The following HYDIN variants were observed in gnomAD, a reference collection of about 807,000 sequenced individuals.
HYDIN encodes axonemal central pair apparatus protein HYDIN.
In HYDIN, 132 loss-of-function variants were observed where a neutral mutation model predicts 403.9. That is an observed-to-expected ratio of 0.33 (90% confidence interval 0.28 to 0.38). HYDIN has a LOEUF of 0.38. HYDIN is among the 10% of genes least tolerant of loss of function. HYDIN has a pLI of 1.00. For synonymous variants in HYDIN, 1,202 were observed against 1,891.7 expected (o/e 0.64, Z 9.46); for missense variants, 2,827 against 5,009.5 (o/e 0.56, Z 13.15).
intron 41 of HYDIN, among the ~76,000 whole-genome samples, chr16:70,947,719 GAATAA>G (rs2077920259): frequency 1.3e-5 from 2 of 151,816 alleles, no homozygotes; most frequent in Non-Finnish European, 2.9e-5. Flanking sequence ...GCTTCAAAGA[GAATAA>G]AATACCTAGG....
intron 12 of HYDIN, among the ~76,000 whole-genome samples, chr16:71,087,148 G>A (rs1404109043): frequency 1.3e-5 from 2 of 152,170 alleles, no homozygotes; most frequent in African/African-American, 2.4e-5. Context: ...TTTGTGACAG[G>A]CTGCTTTGGT....
intron 5 of HYDIN, among the ~76,000 whole-genome samples, chr16:71,163,752 C>T (rs1485145119): frequency 6.6e-6 from 1 of 152,224 alleles, no homozygotes; most frequent in Non-Finnish European, 1.5e-5. Flanking sequence ...GAGTTCCCTA[C>T]CTGATGAGAG....
chr16:71,219,503 A>T (rs2089080329), intron 1 of HYDIN, among the ~76,000 whole-genome samples: 1 of 152,188 alleles, frequency 6.6e-6, no homozygotes, highest in South Asian at 2.1e-4. Flanking sequence ...TCACCCCTTT[A>T]AGAATATAGG....
intron 59 of HYDIN, 71 bp from the exon 60 acceptor site, chr16:70,882,966 G>C: frequency 8.1e-7 from 1 of 1,231,748 alleles, no homozygotes; most frequent in Non-Finnish European, 1.2e-6. Flanking sequence ...TCCTAATTTG[G>C]AACTCTGGAT....
chr16:70,820,187 CTTTTT>C (rs57769826), intron 83 of HYDIN, among the ~76,000 whole-genome samples: 1 of 91,846 alleles, frequency 1.1e-5, no homozygotes, highest in South Asian at 3.8e-4. Flanking sequence ...TTTCTTTTTT[CTTTTT>C]TTTTTTTTTT....
intron 75 of HYDIN, among the ~76,000 whole-genome samples, chr16:70,842,091 T>C (rs2037867178): frequency 6.6e-6 from 1 of 150,884 alleles, no homozygotes; most frequent in Admixed American, 6.6e-5. Context: ...TATTGAGGTA[T>C]GTTTTATGGC....
At chr16:71,169,675 T>C (rs1471587101) in intron 5 of HYDIN, among the ~76,000 whole-genome samples, 2 of 152,028 alleles carry the variant, frequency 1.3e-5, no homozygotes, top group East Asian at 1.9e-4. Flanking sequence ...GGTTGGAGAA[T>C]TGGGGGATGC....
chr16:71,102,112 G>A (rs1372691101), intron 10 of HYDIN, among the ~76,000 whole-genome samples: 2 of 151,938 alleles, frequency 1.3e-5, no homozygotes, highest in Admixed American at 6.6e-5. Context: ...ATTGTTATGG[G>A]TTATACCCAC....
At chr16:70,967,826 T>C (rs2143970939) in intron 36 of HYDIN, among the ~76,000 whole-genome samples, 1 of 152,222 alleles carries the variant, frequency 6.6e-6, no homozygotes, top group South Asian at 2.1e-4. Context: ...CCTCAAGCAA[T>C]CCTCCTGCCT....
chr16:71,092,180 A>G (rs1052631215), intron 11 of HYDIN, among the ~76,000 whole-genome samples: 7 of 152,176 alleles, frequency 4.6e-5, no homozygotes, highest in African/African-American at 1.7e-4. Context: ...CCGTTCCTTG[A>G]ATGCACTTCC....
rs565234050 is a variant in HYDIN at position 71,228,197 on chromosome 16, C to T, written c.-24+2365G>A. Among the ~76,000 whole-genome samples, 9 of 151,964 alleles carry T rather than the reference C, an allele frequency of 5.9e-5. No homozygotes were observed. In the East Asian group the frequency reaches 1.7e-3, roughly 29 times the overall value. ...AAAGACTTACATGTTAGACCTAAAACCATAAAAACCCTAGAAGAAAACCTA... is the reference window on the plus strand; with the variant it reads ...AAAGACTTACATGTTAGACCTAAAATCATAAAAACCCTAGAAGAAAACCTA... On this transcript the variant is annotated intron_variant, in intron 1 of 85. Transcript: ENST00000393567.
intron 11 of HYDIN, among the ~76,000 whole-genome samples, chr16:71,093,259 T>C (rs1180955290): frequency 1.3e-5 from 2 of 152,328 alleles, no homozygotes; most frequent in South Asian, 2.1e-4. Context: ...TAAACACTGA[T>C]CCTGAATAAC....
chr16:70,831,290 G>T (rs2968365), intron 80 of HYDIN, among the ~76,000 whole-genome samples: 1 of 151,188 alleles, frequency 6.6e-6, no homozygotes, highest in Admixed American at 6.6e-5. Flanking sequence ...TGAGTGGATT[G>T]CCTGAGGTCA....
intron 65 of HYDIN, among the ~76,000 whole-genome samples, chr16:70,871,090 C>T (rs1268691361): frequency 6.6e-6 from 1 of 151,800 alleles, no homozygotes; most frequent in African/African-American, 2.4e-5. Context: ...AGAGGATTAA[C>T]CATGGTCTTA....
At chr16:70,961,862 T>A in intron 38 of HYDIN, 97 bp downstream of exon 38, 2 of 946,366 alleles carry the variant, frequency 2.1e-6, no homozygotes, top group Non-Finnish European at 3.2e-6. Flanking sequence ...CTAGGAGCCA[T>A]ACGAGGAGGC....
Position 70,981,553 on chromosome 16 carries a change from G to A in HYDIN, c.4348C>T (p.His1450Tyr). 3 of 1,612,498 alleles carry A rather than the reference G, an allele frequency of 1.9e-6. No individual in the cohort carries two copies. The highest frequency in any genetic ancestry group is 2.5e-6 in the Non-Finnish European group (3 of 1,179,242). The change falls in exon 29 of 86, where the codon CAT (histidine) becomes TAT (tyrosine). Residue 1450 changes from histidine (H) to tyrosine (Y), a missense_variant. Transcript: ENST00000393567. ...TAAACTTTTAATACCTGCTCTTGAT[G>A]TGAACTGATAAAGCCCTACGCGGTA... ...ILPVSGFISS[H>Y]QEQVLKVYYL...
intron 23 of HYDIN, among the ~76,000 whole-genome samples, chr16:70,993,026 C>T (rs1304131746): frequency 6.6e-6 from 1 of 152,116 alleles, no homozygotes; most frequent in African/African-American, 2.4e-5. Context: ...CTTATATACT[C>T]ATTCTGGCCC....
chr16:70,842,889 T>G (rs778272841), intron 75 of HYDIN, among the ~76,000 whole-genome samples: 61 of 151,974 alleles, frequency 4.0e-4, no homozygotes, highest in Admixed American at 1.2e-3. Context: ...CCATTTAAAT[T>G]CCCTTGCCAT....
chr16:70,955,190 G>A (rs886520247), intron 40 of HYDIN, among the ~76,000 whole-genome samples, 185 bp downstream of exon 40: 5 of 151,998 alleles, frequency 3.3e-5, no homozygotes, highest in Admixed American at 6.6e-5. Flanking sequence ...CATTGGGCAG[G>A]GCAGGAGACC....
Sources: allele counts gnomAD v4.1 joint callset (sites outside exome capture counted in the v4.1 genomes callset), GRCh38; gene constraint gnomAD v4.1.1; transcripts MANE v1.5; gene names NCBI Gene and HGNC (gene_info 2026-07-23, HGNC 2026-07-21).